The following TM7SF3 variants were observed in gnomAD, a reference collection of about 807,000 sequenced individuals.
The protein encoded by TM7SF3 is seven span transmembrane protein.
In TM7SF3, 60 loss-of-function variants were observed where a neutral mutation model predicts 65.5. The ratio of observed to expected loss-of-function variants is 0.92; its 90% confidence interval spans 0.74 to 1.14. The LOEUF is 1.14. Among genes scored for constraint, TM7SF3 ranks in the 50% most tolerant of loss-of-function variants. TM7SF3 has a pLI of 0.00. For synonymous variants in TM7SF3, 264 were observed against 259.6 expected, an observed-to-expected ratio of 1.02 and a Z score of -0.16; for missense variants, 623 against 684.8, an observed-to-expected ratio of 0.91 and a Z score of 1.01.
intron 1 of TM7SF3, among the ~76,000 whole-genome samples, chr12:27,010,898 C>T (rs1195937524): frequency 6.6e-6 from 1 of 152,170 alleles, no homozygotes; most frequent in Admixed American, 6.5e-5. Context: ...CTTTCCGAAT[C>T]AGATCCTAAT....
rs764015524 is a variant in TM7SF3, at chr12:27,003,224, C to A, written c.246+12G>T. The A allele has an allele frequency of 3.1e-6, 5 of 1,591,084 alleles. No individual in the cohort carries two copies. The highest frequency in any genetic ancestry group is 1.1e-5 in the South Asian group (1 of 87,828). On this transcript the variant is annotated intron_variant, in intron 2 of 11. Coordinates refer to ENST00000343028, the MANE Select transcript of TM7SF3 (RefSeq NM_016551.3). ...AGAAATGATTTTTACTAAAATAATT[C>A]TTTGCACTTACCGGAGAAAAGGAAA... is the stretch of plus-strand genomic sequence containing the variant.
At chr12:26,986,121 C>T (rs952332439) in intron 6 of TM7SF3, among the ~76,000 whole-genome samples, 3 of 152,010 alleles carry the variant, frequency 2.0e-5, no homozygotes, top group Non-Finnish European at 2.9e-5. Flanking sequence ...AGCCACCGCA[C>T]CCGGCCTGCT....
rs574704382 is a variant in TM7SF3, at chr12:27,008,402, T to A, written c.92-5012A>T. On this transcript the variant is annotated intron_variant, in intron 1 of 11. Transcript: ENST00000343028. ...AAATGGAACTGTCCTTCTTCAATTT[T>A]AGGAGTTTTTAATACATCATAGATA... is the stretch of plus-strand genomic sequence containing the variant. Among the ~76,000 whole-genome samples the A allele has an allele frequency of 2.6e-5, 4 of 152,200 alleles. No individual in the cohort carries two copies. In the East Asian group the frequency reaches 7.7e-4, roughly 29 times the overall value.
intron 9 of TM7SF3, among the ~76,000 whole-genome samples, chr12:26,976,851 A>G (rs969477945): frequency 1.3e-5 from 2 of 152,204 alleles, no homozygotes; most frequent in Non-Finnish European, 1.5e-5. Context: ...CCGTCAAAGC[A>G]TGTCCTGTCA....
Position 26,990,611 on chromosome 12 carries a change from G to C in TM7SF3, c.707C>G (p.Ala236Gly). 6.2e-7 allele frequency: 1 copy of C among 1,613,522 alleles called. No individual in the cohort carries two copies. The highest frequency in any genetic ancestry group is 8.5e-7 in the Non-Finnish European group (1 of 1,179,646). Residue 236 changes from alanine to glycine, a missense_variant, in exon 6 of 12, where the codon GCT becomes GGT. Physicochemically the swap from Ala to Gly is moderately conservative, Grantham distance 60 (BLOSUM62 0). Transcript: ENST00000343028. ...GAAGGAAACACTTGTCTTATCATTA[G>C]CTGTTAGGGTAACCACCTGAAGCCA... is the stretch of plus-strand genomic sequence containing the variant. ...ASALKVVTLT[A>G]NDKTSVSFSS... is the part of the protein sequence containing the mutation.
chr12:26,973,006 G>A lies in TM7SF3; in HGVS notation c.*959C>T, dbSNP rs116479892. On this transcript the variant is annotated 3_prime_UTR_variant, in exon 12 of 12. Coordinates refer to ENST00000343028, the MANE Select transcript of TM7SF3 (RefSeq NM_016551.3). ...AAGGCAAAAACAAAGGGAACCTACTGAATTGTACACTTAAACATGAATAAG... is the reference window on the plus strand; with the variant it reads ...AAGGCAAAAACAAAGGGAACCTACTAAATTGTACACTTAAACATGAATAAG... Among the ~76,000 whole-genome samples the A allele has an allele frequency of 3.9e-3, 598 of 151,714 alleles. 5 individuals are homozygous for A. The highest frequency in any genetic ancestry group is 0.014 in the African/African-American group (569 of 41,358).
At chr12:26,988,370 C>T (rs1195543818) in intron 6 of TM7SF3, among the ~76,000 whole-genome samples, 1 of 152,108 alleles carries the variant, frequency 6.6e-6, no homozygotes, top group East Asian at 1.9e-4. Flanking sequence ...CGCCATGTTG[C>T]CCAGGCTGGT....
At chr12:27,008,465 C>G (rs973602272) in intron 1 of TM7SF3, among the ~76,000 whole-genome samples, 1 of 152,126 alleles carries the variant, frequency 6.6e-6, no homozygotes, top group Non-Finnish European at 1.5e-5. Flanking sequence ...TATATTCTCC[C>G]ACTCTTGTTG....
intron 6 of TM7SF3, among the ~76,000 whole-genome samples, chr12:26,984,843 A>C (rs1939974288): frequency 6.6e-6 from 1 of 152,228 alleles, no homozygotes; most frequent in Non-Finnish European, 1.5e-5. Flanking sequence ...GAAAGGAGTG[A>C]ATAGACTAGG....
In TM7SF3 at chr12:26,996,727, G is replaced by C. The variant is rs751258968; in HGVS notation, c.518+15C>G. 6.2e-7 allele frequency: 1 copy of C among 1,602,556 alleles called. No homozygotes were observed. The highest frequency in any genetic ancestry group is 2.2e-5 in the East Asian group (1 of 44,576). On this transcript the variant is annotated intron_variant, in intron 4 of 11. Transcript: ENST00000343028. ...TATTCTAAAAGCATTTCTCAGACAT[G>C]GGAGACAGACGTACCTCGCATAGCC... is the stretch of plus-strand genomic sequence containing the variant.
At chr12:27,009,085 T>C (rs541999861) in intron 1 of TM7SF3, among the ~76,000 whole-genome samples, 4 of 152,322 alleles carry the variant, frequency 2.6e-5, no homozygotes, top group Admixed American at 2.0e-4. Context: ...AGTGAACATA[T>C]GTGTTTGCTT....
chr12:27,007,853 T>C (rs974447958), intron 1 of TM7SF3, among the ~76,000 whole-genome samples: 2 of 152,208 alleles, frequency 1.3e-5, no homozygotes, highest in Non-Finnish European at 2.9e-5. Context: ...TGTGTTTGGC[T>C]TCTTTAAAAT....
intron 6 of TM7SF3, 99 bp downstream of exon 6, chr12:26,990,351 G>C (rs1592289052): frequency 1.2e-6 from 1 of 844,674 alleles, no homozygotes; most frequent in South Asian, 1.8e-5. Context: ...GAATAACGTA[G>C]GGGCTCAAAA....
intron 2 of TM7SF3, among the ~76,000 whole-genome samples, chr12:27,000,672 G>A (rs764265406): frequency 2.0e-5 from 3 of 152,064 alleles, no homozygotes; most frequent in Non-Finnish European, 4.4e-5. Flanking sequence ...TGTTAGCCAG[G>A]ATGGTCTTGA....
At chr12:26,985,621 CAAAAAAAAAAA>C (rs544145636) in intron 6 of TM7SF3, among the ~76,000 whole-genome samples, 28 of 61,038 alleles carry the variant, frequency 4.6e-4, no homozygotes, top group South Asian at 2.6e-3. Flanking sequence ...GTGAGACTGT[CAAAAAAAAAAA>C]AAAAAAAAAA....
chr12:26,996,747 A>G lies in TM7SF3; in HGVS notation c.513T>C (p.Tyr171=), dbSNP rs1484005480. The G allele has an allele frequency of 6.8e-6, 11 of 1,611,118 alleles. No individual in the cohort carries two copies. Among genetic ancestry groups the G allele is most frequent in the African/African-American group, 1.3e-5 (1 of 74,730 alleles). The change falls in exon 4 of 12, where the codon TAT becomes TAC. Residue 171 remains tyrosine (Y), a synonymous_variant. Coordinates refer to ENST00000343028, the MANE Select transcript of TM7SF3 (RefSeq NM_016551.3). ...TIKFAPANLG[Y]ARGVDPPPCD... The stretch of plus-strand genomic sequence containing the variant: ...GACATGGGAGACAGACGTACCTCGC[A>G]TAGCCTAGGTTTGCTGGGGCAAACT...
At chr12:26,999,703 G>C (rs749103796) in intron 2 of TM7SF3, 27 bp from the exon 3 acceptor site, 2 of 1,612,044 alleles carry the variant, frequency 1.2e-6, no homozygotes, top group Non-Finnish European at 1.7e-6. Context: ...ACATTGTCAT[G>C]AATAGGAAGT....
intron 1 of TM7SF3, chr12:27,012,827 G>A: frequency 2.4e-6 from 1 of 412,210 alleles, no homozygotes; most frequent in South Asian, 1.7e-5. Flanking sequence ...GTGAAACCCC[G>A]CCTGTACTAA....
chr12:26,982,915 A>G, intron 6 of TM7SF3, 56 bp from the exon 7 acceptor site: 1 of 1,264,850 alleles, frequency 7.9e-7, no homozygotes, highest in Non-Finnish European at 1.1e-6. Flanking sequence ...CTTTGTATTA[A>G]TATTTATAGA....
Sources: gnomAD v4.1 joint callset for allele counts (sites outside exome capture counted in the v4.1 genomes callset) on GRCh38, gnomAD v4.1.1 for gene constraint, MANE v1.5 for transcripts, NCBI Gene and HGNC (gene_info 2026-07-23, HGNC 2026-07-21) for gene names.